Variants in APP observed in about 807,000 individuals in gnomAD.
The protein encoded by APP is amyloid beta precursor protein.
In APP, 31 loss-of-function variants were observed where a neutral mutation model predicts 101.4. That is an observed-to-expected ratio of 0.31 (90% confidence interval 0.23 to 0.41). The LOEUF is 0.41. Ranked by LOEUF, APP falls within the 10% of genes least tolerant of loss-of-function variation. The probability of loss-of-function intolerance (pLI) is 1.00; values close to 1 mark genes in which losing one functional copy is unlikely to be tolerated. For synonymous variants in APP, 366 were observed against 364.4 expected (o/e 1.00, Z -0.05); for missense variants, 839 against 1,003.7 (o/e 0.84, Z 2.22).
At chr21:25,969,620 G>A (rs2041933833) in intron 11 of APP, among the ~76,000 whole-genome samples, 1 of 151,744 alleles carries the variant, frequency 6.6e-6, no homozygotes. Context: ...TGAAAGGATC[G>A]CTTGAGGCCA....
chr21:25,894,804 G>A (rs1454231626), intron 16 of APP, among the ~76,000 whole-genome samples: 2 of 152,216 alleles, frequency 1.3e-5, no homozygotes, highest in Non-Finnish European at 2.9e-5. Context: ...TGCGAAGACT[G>A]ACTCCAATTT....
At chr21:25,920,246 AC>A (rs2039563877) in intron 13 of APP, among the ~76,000 whole-genome samples, 1 of 152,198 alleles carries the variant, frequency 6.6e-6, no homozygotes, top group African/African-American at 2.4e-5. Flanking sequence ...ATGCAAAGGA[AC>A]AACCGGTACC....
chr21:26,043,935 C>T (rs2045491316), intron 5 of APP, among the ~76,000 whole-genome samples: 2 of 152,124 alleles, frequency 1.3e-5, no homozygotes, highest in South Asian at 2.1e-4. Flanking sequence ...GTATGAACCT[C>T]GATCTTTTTC....
At chr21:25,946,065 T>C in intron 13 of APP, 2 of 315,336 alleles carry the variant, frequency 6.3e-6, no homozygotes, top group Non-Finnish European at 1.3e-5. Context: ...CCTCACACCA[T>C]ATATGAAAAT....
intron 9 of APP, among the ~76,000 whole-genome samples, 192 bp downstream of exon 9, chr21:25,982,152 C>T (rs1054907560): frequency 2.0e-5 from 3 of 152,196 alleles, no homozygotes; most frequent in Non-Finnish European, 4.4e-5. Context: ...ATACCTGGAT[C>T]CTTCCTAGGC....
At chr21:26,097,740 C>T (rs545915173) in intron 2 of APP, among the ~76,000 whole-genome samples, 1 of 152,244 alleles carries the variant, frequency 6.6e-6, no homozygotes, top group East Asian at 1.9e-4. Context: ...GGTCATACAG[C>T]CATGTTTTAT....
intron 13 of APP, among the ~76,000 whole-genome samples, chr21:25,940,096 T>C (rs771840479): frequency 6.6e-6 from 1 of 152,152 alleles, no homozygotes; most frequent in Non-Finnish European, 1.5e-5. Context: ...CAGCCAACAT[T>C]ACCTACTGCA....
At chr21:25,883,308 CAGG>C (rs2037111055) in intron 17 of APP, among the ~76,000 whole-genome samples, 1 of 152,018 alleles carries the variant, frequency 6.6e-6, no homozygotes, top group African/African-American at 2.4e-5. Context: ...CAGGCGGAGG[CAGG>C]AGAATGGCTT....
chr21:26,149,365 G>C (rs1038295486), intron 1 of APP, among the ~76,000 whole-genome samples: 1 of 152,154 alleles, frequency 6.6e-6, no homozygotes. Flanking sequence ...TTAAGTGAAA[G>C]CACTTTTCAA....
chr21:26,083,356 T>C (rs973023500), intron 3 of APP, among the ~76,000 whole-genome samples: 2 of 152,232 alleles, frequency 1.3e-5, no homozygotes, highest in African/African-American at 4.8e-5. Flanking sequence ...TTAAAAATTA[T>C]GCTCTCCAAG....
At chr21:25,933,856 G>C (rs1156610361) in intron 13 of APP, 1 of 151,890 alleles carries the variant, frequency 6.6e-6, no homozygotes, top group African/African-American at 2.4e-5. Flanking sequence ...ATTTAAATTT[G>C]ATAGTGGTTG....
chr21:25,923,348 A>G (rs960416125), intron 13 of APP, among the ~76,000 whole-genome samples: 7 of 148,944 alleles, frequency 4.7e-5, no homozygotes, highest in African/African-American at 1.8e-4. Flanking sequence ...AAACACCAAA[A>G]GCAATGGCAA....
intron 13 of APP, among the ~76,000 whole-genome samples, chr21:25,948,157 T>C (rs553497311): frequency 7.5e-6 from 1 of 132,872 alleles, no homozygotes; most frequent in Admixed American, 7.5e-5. Context: ...TATTTGCTGT[T>C]ATGATTTTTT....
chr21:26,062,668 A>ATAAG (rs2046317387), intron 3 of APP, among the ~76,000 whole-genome samples: 1 of 151,092 alleles, frequency 6.6e-6, no homozygotes, highest in East Asian at 1.9e-4. Context: ...TCTCAAATAA[A>ATAAG]TAAATAAATA....
At chr21:25,955,476 A>G (rs2041273047) in intron 12 of APP, 151 bp downstream of exon 12, 1 of 1,160,366 alleles carries the variant, frequency 8.6e-7, no homozygotes, top group Non-Finnish European at 1.2e-6. Context: ...CTCTAAGACA[A>G]GCTTTTAGAA....
chr21:26,045,304 T>G (rs1375993887), intron 5 of APP, among the ~76,000 whole-genome samples: 2 of 152,020 alleles, frequency 1.3e-5, no homozygotes, highest in Non-Finnish European at 2.9e-5. Context: ...AGAAATATGA[T>G]GAACCTAATA....
intron 2 of APP, among the ~76,000 whole-genome samples, chr21:26,106,867 T>G (rs770518773): frequency 4.6e-5 from 7 of 152,218 alleles, no homozygotes; most frequent in Admixed American, 6.5e-5. Flanking sequence ...TTTCCTGCAA[T>G]GGACTACAAC....
Position 25,993,693 on chromosome 21 carries a change from C to A in APP, c.1090+3667G>T, listed in dbSNP as rs182483632. Among the ~76,000 whole-genome samples the A allele has an allele frequency of 2.0e-5, 3 of 152,304 alleles. No homozygotes were observed. In the East Asian group the frequency reaches 5.8e-4, roughly 29 times the overall value. ...AATTTGTGGAAAGTACACGTGTTTACACCAGGAGAGTTCTATCTCTGAGTC... is the reference window on the plus strand; with the variant it reads ...AATTTGTGGAAAGTACACGTGTTTAAACCAGGAGAGTTCTATCTCTGAGTC... On this transcript the variant is annotated intron_variant, in intron 8 of 17. Coordinates refer to ENST00000346798, the MANE Select transcript of APP (RefSeq NM_000484.4).
At chr21:26,137,264 T>A (rs1255835792) in intron 1 of APP, among the ~76,000 whole-genome samples, 1 of 152,226 alleles carries the variant, frequency 6.6e-6, no homozygotes, top group African/African-American at 2.4e-5. Context: ...GTATTTGAAG[T>A]TCCTCAGAGG....
Sources: allele counts gnomAD v4.1 joint callset (sites outside exome capture counted in the v4.1 genomes callset), GRCh38; gene constraint gnomAD v4.1.1; transcripts MANE v1.5; gene names NCBI Gene and HGNC (gene_info 2026-07-23, HGNC 2026-07-21).